The following CCDC192 variants were observed in gnomAD, a reference collection of about 807,000 sequenced individuals.
The protein encoded by CCDC192 is coiled-coil domain containing 192, also known as coiled-coil domain-containing protein 192.
intron 6 of CCDC192, among the ~76,000 whole-genome samples, chr5:127,918,216 T>TAAAAAAAAAAAAAAAAAAAAA (rs1219307107): frequency 1.1e-4 from 11 of 100,390 alleles, no homozygotes; most frequent in African/African-American, 5.0e-4. Context: ...CTTCAATTTG[T>TAAAAAAAAAAAAAAAAAAAAA]AAAAAAAAAA....
At chr5:127,940,200 AC>A (rs1754343302) in intron 6 of CCDC192, among the ~76,000 whole-genome samples, 2 of 152,180 alleles carry the variant, frequency 1.3e-5, no homozygotes, top group African/African-American at 4.8e-5. Flanking sequence ...TGAGTGGTTA[AC>A]TGATAGAAAT....
intron 5 of CCDC192, among the ~76,000 whole-genome samples, chr5:127,808,096 C>T (rs981670319): frequency 1.6e-4 from 25 of 152,202 alleles, no homozygotes; most frequent in African/African-American, 4.1e-4. Flanking sequence ...TTCCACTGAG[C>T]GCTGGGCTTG....
intron 5 of CCDC192, among the ~76,000 whole-genome samples, chr5:127,864,308 A>T (rs1479898341): frequency 6.6e-6 from 1 of 152,246 alleles, no homozygotes; most frequent in Non-Finnish European, 1.5e-5. Context: ...ACCACAAGTC[A>T]CTAGTGGGAG....
intron 6 of CCDC192, among the ~76,000 whole-genome samples, chr5:127,926,502 AG>A (rs1440133316): frequency 6.6e-6 from 1 of 152,208 alleles, no homozygotes; most frequent in East Asian, 1.9e-4. Context: ...AGGAAGTTGC[AG>A]GAGCATGTTG....
intron 5 of CCDC192, among the ~76,000 whole-genome samples, chr5:127,806,863 A>G (rs1459097370): frequency 6.6e-6 from 1 of 152,208 alleles, no homozygotes; most frequent in Non-Finnish European, 1.5e-5. Flanking sequence ...ATACCTCTCC[A>G]TTATAGAGAG....
At chr5:127,778,454 A>C (rs989503877) in intron 3 of CCDC192, among the ~76,000 whole-genome samples, 1 of 152,124 alleles carries the variant, frequency 6.6e-6, no homozygotes, top group Non-Finnish European at 1.5e-5. Context: ...TGTACATCTG[A>C]GATTAATCCC....
At chr5:127,907,414 T>G (rs1266538647) in intron 6 of CCDC192, among the ~76,000 whole-genome samples, 1 of 152,212 alleles carries the variant, frequency 6.6e-6, no homozygotes, top group African/African-American at 2.4e-5. Context: ...ATTTTGCATA[T>G]TACAATTCTT....
chr5:127,747,078 T>C (rs945069315), intron 2 of CCDC192, among the ~76,000 whole-genome samples: 1 of 151,586 alleles, frequency 6.6e-6, no homozygotes, highest in African/African-American at 2.4e-5. Flanking sequence ...TCTTTTTTTT[T>C]TTTATTTCTT....
At chr5:127,765,220 G>A (rs565422423) in intron 3 of CCDC192, among the ~76,000 whole-genome samples, 88 of 152,226 alleles carry the variant, frequency 5.8e-4, no homozygotes, top group African/African-American at 2.0e-3. Context: ...TCTTTTATGG[G>A]TGGAGGAGAG....
At chr5:127,711,222 C>G (rs1217935072) in intron 2 of CCDC192, among the ~76,000 whole-genome samples, 6 of 152,116 alleles carry the variant, frequency 3.9e-5, no homozygotes, top group Admixed American at 3.9e-4. Context: ...AATTCATTAG[C>G]TCTAGAATAT....
chr5:127,833,011 A>C (rs1377784087), intron 5 of CCDC192, among the ~76,000 whole-genome samples: 1 of 152,196 alleles, frequency 6.6e-6, no homozygotes, highest in East Asian at 1.9e-4. Context: ...GAAAAATTTA[A>C]TCGTGGCCAC....
rs1263918556 is a variant in CCDC192, at chr5:127,724,053, G to A, written c.114+16293G>A. The stretch of plus-strand genomic sequence containing the variant: ...CTTCTTCAAGAAGTTGATTGAATGA[G>A]GTTATGCATTAACACAGAAAGATGA... On this transcript the variant is annotated intron_variant, in intron 2 of 6. Transcript: ENST00000514853. Among the ~76,000 whole-genome samples, 4 of 152,188 alleles carry A rather than the reference G, an allele frequency of 2.6e-5. No homozygotes were observed. In the East Asian group the frequency reaches 7.7e-4, roughly 29 times the overall value.
At chr5:127,799,740 C>T (rs1371190539) in intron 5 of CCDC192, among the ~76,000 whole-genome samples, 1 of 152,124 alleles carries the variant, frequency 6.6e-6, no homozygotes, top group Non-Finnish European at 1.5e-5. Flanking sequence ...CTGTACCATG[C>T]TGTTACTGCT....
intron 1 of CCDC192, among the ~76,000 whole-genome samples, chr5:127,706,906 T>A (rs1281086567): frequency 1.3e-5 from 2 of 152,088 alleles, no homozygotes; most frequent in East Asian, 3.8e-4. Context: ...GAAGGAAGGA[T>A]GAGTAAGCCA....
intron 5 of CCDC192, among the ~76,000 whole-genome samples, chr5:127,823,690 A>G (rs748956183): frequency 1.3e-5 from 2 of 152,114 alleles, no homozygotes; most frequent in Non-Finnish European, 2.9e-5. Flanking sequence ...TCAAAGCTTC[A>G]TTCCCTCTCT....
intron 5 of CCDC192, among the ~76,000 whole-genome samples, chr5:127,800,184 C>T (rs936390649): frequency 1.3e-5 from 2 of 151,798 alleles, no homozygotes; most frequent in South Asian, 4.1e-4. Flanking sequence ...TTTTCTCTTT[C>T]TGTTCACTTT....
At chr5:127,779,542 G>A (rs973088895) in intron 3 of CCDC192, among the ~76,000 whole-genome samples, 10 of 152,146 alleles carry the variant, frequency 6.6e-5, no homozygotes, top group Non-Finnish European at 1.0e-4. Flanking sequence ...TGATCCACCC[G>A]CCTCAGCCTC....
chr5:127,917,772 T>C (rs1753568398), intron 6 of CCDC192, among the ~76,000 whole-genome samples: 1 of 152,026 alleles, frequency 6.6e-6, no homozygotes, highest in Admixed American at 6.6e-5. Flanking sequence ...ATAATAATAA[T>C]GAAAGAGTTT....
At chr5:127,854,504 C>G (rs1274800365) in intron 5 of CCDC192, among the ~76,000 whole-genome samples, 1 of 151,972 alleles carries the variant, frequency 6.6e-6, no homozygotes, top group Non-Finnish European at 1.5e-5. Context: ...AAGTAAAACT[C>G]TATCATAGGT....
Sources: gnomAD v4.1 joint callset for allele counts (sites outside exome capture counted in the v4.1 genomes callset) on GRCh38, gnomAD v4.1.1 for gene constraint, MANE v1.5 for transcripts, NCBI Gene and HGNC (gene_info 2026-07-23, HGNC 2026-07-21) for gene names.